The following ABHD17C variants were observed in gnomAD, a reference collection of about 807,000 sequenced individuals.
The protein encoded by ABHD17C is abhydrolase domain containing 17C, depalmitoylase.
In ABHD17C, 11 loss-of-function variants were observed where a neutral mutation model predicts 27.9. That is an observed-to-expected ratio of 0.39 (90% confidence interval 0.25 to 0.65). ABHD17C has a LOEUF of 0.65. Among genes scored for constraint, ABHD17C ranks in the 30% least tolerant of loss-of-function variants. The probability of loss-of-function intolerance (pLI) is 0.45; values close to 1 mark genes in which losing one functional copy is unlikely to be tolerated. For missense variants in ABHD17C, 280 were observed against 470.2 expected, an observed-to-expected ratio of 0.60 and a Z score of 3.74; for synonymous variants, 233 against 209.1, an observed-to-expected ratio of 1.11 and a Z score of -0.98.
chr15:80,741,570 A>G (rs1307993167), intron 1 of ABHD17C, among the ~76,000 whole-genome samples: 1 of 152,144 alleles, frequency 6.6e-6, no homozygotes, highest in African/African-American at 2.4e-5. Context: ...CTTCAGCAGC[A>G]GTTGTCTCTT....
chr15:80,733,754 G>C (rs1446682935), intron 1 of ABHD17C, among the ~76,000 whole-genome samples: 2 of 152,172 alleles, frequency 1.3e-5, no homozygotes, highest in Non-Finnish European at 1.5e-5. Flanking sequence ...TATAGCACTT[G>C]TATGAACTCA....
At chr15:80,709,267 C>A (rs1894695633) in intron 1 of ABHD17C, among the ~76,000 whole-genome samples, 1 of 151,800 alleles carries the variant, frequency 6.6e-6, no homozygotes, top group Non-Finnish European at 1.5e-5. Context: ...GGCGGACAGA[C>A]CACTTGAGGT....
intron 1 of ABHD17C, chr15:80,705,034 G>A (rs1191828318): frequency 6.6e-6 from 1 of 152,376 alleles, no homozygotes; most frequent in Non-Finnish European, 1.5e-5. Flanking sequence ...GTGATCTGTG[G>A]TGTGGACATA....
At chr15:80,747,084 C>T (rs192906107) in intron 1 of ABHD17C, among the ~76,000 whole-genome samples, 265 of 152,226 alleles carry the variant, frequency 1.7e-3, no homozygotes, top group African/African-American at 6.2e-3. Context: ...CTTCTCTCCT[C>T]CTCTTATATT....
At chr15:80,738,805 A>T (rs1040266959) in intron 1 of ABHD17C, among the ~76,000 whole-genome samples, 4 of 152,180 alleles carry the variant, frequency 2.6e-5, no homozygotes, top group Non-Finnish European at 5.9e-5. Flanking sequence ...GGGAGGCTAG[A>T]GTTCAGATGA....
intron 1 of ABHD17C, among the ~76,000 whole-genome samples, chr15:80,723,278 C>G (rs994246431): frequency 3.9e-5 from 6 of 152,062 alleles, no homozygotes; most frequent in Non-Finnish European, 7.4e-5. Flanking sequence ...ATCAGGGCAC[C>G]CCCTCCCATG....
At chr15:80,732,800 G>A (rs1005625169) in intron 1 of ABHD17C, among the ~76,000 whole-genome samples, 2 of 152,226 alleles carry the variant, frequency 1.3e-5, no homozygotes, top group African/African-American at 4.8e-5. Flanking sequence ...ATTTAAGGGA[G>A]TAAACAGCAA....
intron 1 of ABHD17C, among the ~76,000 whole-genome samples, chr15:80,735,607 G>A (rs1194830941): frequency 2.0e-5 from 3 of 152,028 alleles, no homozygotes; most frequent in African/African-American, 4.8e-5. Flanking sequence ...CAGCCAGGGC[G>A]GGCTCCAGTG....
At chr15:80,711,518 A>T (rs139192991) in intron 1 of ABHD17C, among the ~76,000 whole-genome samples, 1 of 152,326 alleles carries the variant, frequency 6.6e-6, no homozygotes, top group Non-Finnish European at 1.5e-5. Flanking sequence ...TCATTACTGC[A>T]TGCTGCCTGG....
At position 80,702,150 on chromosome 15, in the gene ABHD17C, T is replaced by C. The variant is rs141913558; in HGVS notation, c.590+6131T>C. The stretch of plus-strand genomic sequence containing the variant: ...TAATGTGTTCTCTTCCGAGCACAGT[T>C]GTTTTCATTTAGTGCACTCTTAGAG... On this transcript the variant is annotated intron_variant, in intron 1 of 2. Transcript: ENST00000258884. Among the ~76,000 whole-genome samples, 191 of 152,300 alleles carry C rather than the reference T, an allele frequency of 1.3e-3. 2 individuals carry two copies. In the Middle Eastern group the frequency reaches 0.02, roughly 16 times the overall value.
intron 1 of ABHD17C, among the ~76,000 whole-genome samples, chr15:80,728,156 A>C (rs1895008260): frequency 6.6e-6 from 1 of 152,188 alleles, no homozygotes; most frequent in South Asian, 2.1e-4. Context: ...GGGTATGTAG[A>C]GTGCCATCAT....
chr15:80,701,923 C>G (rs1198166440), intron 1 of ABHD17C, among the ~76,000 whole-genome samples: 1 of 152,064 alleles, frequency 6.6e-6, no homozygotes, highest in Non-Finnish European at 1.5e-5. Context: ...TTTGTCATAC[C>G]TGGCTCTTCC....
At chr15:80,726,516 T>G (rs1459166025) in intron 1 of ABHD17C, among the ~76,000 whole-genome samples, 15 of 138,726 alleles carry the variant, frequency 1.1e-4, no homozygotes, top group Non-Finnish European at 2.0e-4. Context: ...TTTTTTTTTT[T>G]TTTTTTTTTT....
intron 1 of ABHD17C, among the ~76,000 whole-genome samples, chr15:80,723,656 G>T (rs556955323): frequency 6.6e-6 from 1 of 152,298 alleles, no homozygotes; most frequent in Admixed American, 6.5e-5. Flanking sequence ...AGGTCAAGCG[G>T]ATGTTTGCGT....
chr15:80,754,228 A>G lies in ABHD17C; in HGVS notation c.848A>G (p.His283Arg), dbSNP rs1895404201. The change falls in exon 3 of 3, where the codon CAT becomes CGT. Residue 283 changes from histidine (H) to arginine (R), a missense_variant. This residue lies in a region of ABHD17C where 206 missense variants were observed against 394.7 expected (regional missense o/e 0.52). Transcript: ENST00000258884. ...GTEDEVIDFSHGLAMYERCPR... is the reference protein window; with the variant it reads ...GTEDEVIDFSRGLAMYERCPR... The stretch of plus-strand genomic sequence containing the variant: ...GAGGATGAGGTCATCGATTTCTCCC[A>G]TGGCCTAGCGATGTACGAGCGCTGT... 6.2e-7 allele frequency: 1 copy of G among 1,613,914 alleles called. No homozygotes were observed. Among genetic ancestry groups the G allele is most frequent in the Non-Finnish European group, 8.5e-7 (1 of 1,179,872 alleles).
intron 1 of ABHD17C, among the ~76,000 whole-genome samples, chr15:80,706,060 A>G (rs953829364): frequency 6.6e-6 from 1 of 152,204 alleles, no homozygotes; most frequent in African/African-American, 2.4e-5. Context: ...GCACCATTCA[A>G]GATGTTCTGG....
chr15:80,706,150 C>T (rs1894645716), intron 1 of ABHD17C, among the ~76,000 whole-genome samples: 1 of 152,220 alleles, frequency 6.6e-6, no homozygotes, highest in Admixed American at 6.5e-5. Flanking sequence ...GAACAGCAAG[C>T]TTCCTTTTAA....
At chr15:80,727,327 A>G (rs1184290876) in intron 1 of ABHD17C, among the ~76,000 whole-genome samples, 1 of 152,132 alleles carries the variant, frequency 6.6e-6, no homozygotes, top group Non-Finnish European at 1.5e-5. Context: ...TTGCTTGAGA[A>G]ATTTAAGATG....
At chr15:80,722,261 T>C (rs1266991953) in intron 1 of ABHD17C, among the ~76,000 whole-genome samples, 1 of 152,034 alleles carries the variant, frequency 6.6e-6, no homozygotes, top group Non-Finnish European at 1.5e-5. Context: ...GATGTTTGGA[T>C]TGGTTGAAAA....
Sources: allele counts gnomAD v4.1 joint callset (sites outside exome capture counted in the v4.1 genomes callset), GRCh38; gene constraint gnomAD v4.1.1; regional missense constraint gnomAD v4.1.1; transcripts MANE v1.5; gene names NCBI Gene and HGNC (gene_info 2026-07-23, HGNC 2026-07-21).